RAB31: variants seen among roughly 807,000 people sequenced by gnomAD.
RAB31 encodes the protein RAB31, member RAS oncogene family.
In RAB31, 21 loss-of-function variants were observed where a neutral mutation model predicts 25.6. The observed-to-expected ratio is 0.82, with a 90% confidence interval of 0.58 to 1.18. The LOEUF (loss-of-function observed/expected upper bound fraction) is 1.18, where lower values mean the gene tolerates loss of function less well. RAB31 is among the 50% of genes most tolerant of loss of function. The pLI, the probability that RAB31 is intolerant of heterozygous loss-of-function variation, is 0.00. For missense variants in RAB31, 196 were observed against 250.1 expected, an observed-to-expected ratio of 0.78 and a Z score of 1.46; for synonymous variants, 87 against 84.0, an observed-to-expected ratio of 1.04 and a Z score of -0.20.
rs1040731373 is a variant in RAB31, at chr18:9,708,869, C to T, written c.39+425C>T. Among the ~76,000 whole-genome samples the T allele has an allele frequency of 2.0e-5, 3 of 152,242 alleles. No individual in the cohort carries two copies. Among genetic ancestry groups the T allele is most frequent in the African/African-American group, 7.2e-5 (3 of 41,468 alleles). ...GAGTCTGGGGCCCCGAGGGCTTTCTCCTCCGCTTTTGATAGTTTCCTTCCG... is the reference window on the plus strand; with the variant it reads ...GAGTCTGGGGCCCCGAGGGCTTTCTTCTCCGCTTTTGATAGTTTCCTTCCG... On this transcript the variant is annotated intron_variant, in intron 1 of 6. Coordinates refer to ENST00000578921, the MANE Select transcript of RAB31 (RefSeq NM_006868.4). This position sits in a 1 kb window ranked among gnomAD's most constrained non-coding sequence, Gnocchi z 6.4.
rs1000368329 is a variant in RAB31 at position 9,782,161 on chromosome 18, C to T, written c.119+6804C>T. On this transcript the variant is annotated intron_variant, in intron 2 of 6. Coordinates refer to ENST00000578921, the MANE Select transcript of RAB31 (RefSeq NM_006868.4). Reference sequence around the variant, plus strand: ...TTACTATTATGTTCATCAGTATAAACGTTCACACCTAGCCTGCTTCACTCA... The same window carrying T: ...TTACTATTATGTTCATCAGTATAAATGTTCACACCTAGCCTGCTTCACTCA... 6.6e-5 allele frequency among the ~76,000 whole-genome samples: 10 copies of T among 152,244 alleles called. 1 individual carries two copies. The highest frequency in any genetic ancestry group is 4.1e-4 in the South Asian group (2 of 4,836).
chr18:9,770,689 G>T (rs2068340042), intron 1 of RAB31, among the ~76,000 whole-genome samples: 1 of 152,088 alleles, frequency 6.6e-6, no homozygotes, highest in East Asian at 1.9e-4. Flanking sequence ...TCAGAATCGG[G>T]TTTATTCTAA....
At chr18:9,790,690 G>A (rs1234361165) in intron 2 of RAB31, among the ~76,000 whole-genome samples, 2 of 152,120 alleles carry the variant, frequency 1.3e-5, no homozygotes, top group Non-Finnish European at 2.9e-5. Flanking sequence ...TGACTTATTT[G>A]AAGCATTCAG....
chr18:9,721,065 T>C (rs1323990999), intron 1 of RAB31, among the ~76,000 whole-genome samples: 1 of 152,166 alleles, frequency 6.6e-6, no homozygotes, highest in African/African-American at 2.4e-5. Context: ...ATTTGGGCTT[T>C]TTCACCATTC....
At chr18:9,802,048 A>G (rs1296531990) in intron 3 of RAB31, among the ~76,000 whole-genome samples, 2 of 148,960 alleles carry the variant, frequency 1.3e-5, no homozygotes, top group African/African-American at 5.2e-5. Context: ...TTTTCTCCTT[A>G]TGCCAATACC....
chr18:9,742,228 GC>G (rs1201298669), intron 1 of RAB31, among the ~76,000 whole-genome samples: 1 of 152,176 alleles, frequency 6.6e-6, no homozygotes. Context: ...ATATTGCAGC[GC>G]AGAGTTGGTG....
At chr18:9,820,177 G>A (rs1003028098) in intron 5 of RAB31, among the ~76,000 whole-genome samples, 1 of 151,886 alleles carries the variant, frequency 6.6e-6, no homozygotes, top group Non-Finnish European at 1.5e-5. Context: ...CACACTAACT[G>A]GTTTTACATA....
At chr18:9,759,571 C>T (rs926889343) in intron 1 of RAB31, among the ~76,000 whole-genome samples, 7 of 147,186 alleles carry the variant, frequency 4.8e-5, no homozygotes, top group African/African-American at 1.7e-4. Flanking sequence ...ACAAAGGTTT[C>T]CATATGATTT....
At chr18:9,786,971 AT>A (rs1199105026) in intron 2 of RAB31, 1 of 155,426 alleles carries the variant, frequency 6.4e-6, no homozygotes, top group Admixed American at 6.5e-5. Context: ...CTCAAAAAAA[AT>A]CTCACTGTTA....
chr18:9,823,401 A>G (rs766104518), intron 5 of RAB31, among the ~76,000 whole-genome samples: 1 of 152,228 alleles, frequency 6.6e-6, no homozygotes, highest in Admixed American at 6.5e-5. Flanking sequence ...ACTCACATAC[A>G]TAAGTGCATA....
chr18:9,757,145 C>T (rs949246117), intron 1 of RAB31, among the ~76,000 whole-genome samples: 2 of 152,180 alleles, frequency 1.3e-5, no homozygotes, highest in African/African-American at 4.8e-5. Flanking sequence ...TTACAGTAAT[C>T]CCACTTAATA....
chr18:9,718,456 A>G (rs1032077407), intron 1 of RAB31, among the ~76,000 whole-genome samples: 3 of 150,032 alleles, frequency 2.0e-5, no homozygotes, highest in African/African-American at 7.4e-5. Flanking sequence ...ATGGGGTTTC[A>G]CTATGTTGGT....
At chr18:9,852,334 A>T (rs1329626651) in intron 6 of RAB31, among the ~76,000 whole-genome samples, 1 of 152,224 alleles carries the variant, frequency 6.6e-6, no homozygotes, top group African/African-American at 2.4e-5. Flanking sequence ...ACTATCATCA[A>T]ATAAACAGTC....
intron 1 of RAB31, among the ~76,000 whole-genome samples, chr18:9,736,120 C>T (rs186599218): frequency 3.0e-4 from 46 of 152,226 alleles, no homozygotes; most frequent in African/African-American, 1.0e-3. Context: ...CACAGGTGCA[C>T]ACCACCATGC....
intron 4 of RAB31, chr18:9,814,852 A>AATT (rs2143078990): frequency 3.5e-6 from 1 of 287,552 alleles, no homozygotes; most frequent in East Asian, 8.6e-5. Context: ...TATCATTTTA[A>AATT]ATTAATGTTA....
chr18:9,835,330 A>G (rs1171187215), intron 5 of RAB31, among the ~76,000 whole-genome samples: 1 of 151,338 alleles, frequency 6.6e-6, no homozygotes, highest in Non-Finnish European at 1.5e-5. Flanking sequence ...GGAGCCGACA[A>G]CTCTTTCCAG....
At chr18:9,724,685 C>T (rs369273903) in intron 1 of RAB31, among the ~76,000 whole-genome samples, 4 of 152,150 alleles carry the variant, frequency 2.6e-5, no homozygotes, top group East Asian at 1.9e-4. Context: ...TTTAAGGAAG[C>T]GCTTCAGAAT....
chr18:9,772,957 G>A (rs778912385), intron 1 of RAB31, among the ~76,000 whole-genome samples: 12 of 152,200 alleles, frequency 7.9e-5, no homozygotes, highest in Non-Finnish European at 1.8e-4. Context: ...ATCCATACTT[G>A]AGGTGCAGCT....
Position 9,708,529 on chromosome 18 carries a change from C to A in RAB31, c.39+85C>A. The stretch of plus-strand genomic sequence containing the variant: ...CCCCTATTCCCTGCGCGCTCAGTCC[C>A]CGTGATCCCCTCGCTCTCCGCACCC... On this transcript the variant is annotated intron_variant, in intron 1 of 6. Coordinates refer to ENST00000578921, the MANE Select transcript of RAB31 (RefSeq NM_006868.4). This position sits in a 1 kb window ranked among gnomAD's most constrained non-coding sequence, Gnocchi z 6.4. The A allele has an allele frequency of 8.2e-7, 1 of 1,216,678 alleles. No individual in the cohort carries two copies. Among genetic ancestry groups the A allele is most frequent in the East Asian group, 2.9e-5 (1 of 34,456 alleles). The allele number at this position is 1,216,678 out of a possible 1,614,324, so 75.4% of individuals were successfully genotyped here.
Sources: allele counts gnomAD v4.1 joint callset (sites outside exome capture counted in the v4.1 genomes callset), GRCh38; gene constraint gnomAD v4.1.1; non-coding constraint Gnocchi (gnomAD v3.1); transcripts MANE v1.5; gene names NCBI Gene and HGNC (gene_info 2026-07-23, HGNC 2026-07-21).